ATP11C: variants seen among roughly 807,000 people sequenced by gnomAD.
ATP11C encodes the protein phospholipid-transporting ATPase IG.
ATP11C carries 36 observed loss-of-function variants against 97.4 expected under a neutral mutation model. The ratio of observed to expected loss-of-function variants is 0.37; its 90% CI spans 0.28 to 0.49. ATP11C has a LOEUF of 0.49. ATP11C is among the 20% of genes least tolerant of loss of function. The pLI is 0.98. For missense variants in ATP11C, 730 were observed against 824.6 expected (o/e 0.89, Z 1.40); for synonymous variants, 275 against 290.9 (o/e 0.95, Z 0.56).
chrX:139,739,524 T>C (rs1377500445), intron 27 of ATP11C, among the ~76,000 whole-genome samples: 1 of 111,161 alleles, frequency 9.0e-6, no homozygotes, highest in Non-Finnish European at 1.9e-5. Flanking sequence ...CTGGTTGCTT[T>C]ATAAGTTTAT....
chrX:139,751,451 C>CA (rs1451637106), intron 23 of ATP11C, among the ~76,000 whole-genome samples: 6 of 111,687 alleles, frequency 5.4e-5, no homozygotes, highest in South Asian at 7.4e-4. Context: ...TTAAGAAGTA[C>CA]AAAAAAAAGT....
intron 27 of ATP11C, among the ~76,000 whole-genome samples, chrX:139,738,606 T>C (rs2081493362): frequency 8.9e-6 from 1 of 112,121 alleles, no homozygotes; most frequent in Non-Finnish European, 1.9e-5. Flanking sequence ...ATTAACAGTA[T>C]GTGCCAAATA....
intron 22 of ATP11C, among the ~76,000 whole-genome samples, chrX:139,759,575 C>G (rs1043800777): frequency 9.0e-6 from 1 of 111,324 alleles, no homozygotes; most frequent in African/African-American, 3.3e-5. Context: ...AATGGAGAAA[C>G]AGAAGGCAGG....
chrX:139,800,211 A>T, intron 7 of ATP11C, 101 bp from the exon 8 acceptor site: 1 of 612,046 alleles, frequency 1.6e-6, no homozygotes, highest in Non-Finnish European at 2.6e-6. Context: ...TAAAACAGAG[A>T]TAGATAAAAC....
intron 1 of ATP11C, among the ~76,000 whole-genome samples, chrX:139,850,720 C>T (rs1275613552): frequency 9.0e-6 from 1 of 110,599 alleles, no homozygotes; most frequent in Non-Finnish European, 1.9e-5. Context: ...CAAGACTAGC[C>T]TGGCCAAGAT....
intron 1 of ATP11C, among the ~76,000 whole-genome samples, chrX:139,872,736 G>A (rs1018560386): frequency 3.6e-5 from 4 of 111,749 alleles, no homozygotes; most frequent in African/African-American, 1.3e-4. Context: ...GAGGAAAAGT[G>A]GGGCTTCAGC....
intron 4 of ATP11C, among the ~76,000 whole-genome samples, chrX:139,815,518 C>T (rs959199218): frequency 9.0e-6 from 1 of 111,348 alleles, no homozygotes; most frequent in African/African-American, 3.3e-5. Flanking sequence ...TTGTAGAGAT[C>T]AACAGCTAAA....
At chrX:139,874,209 ATTTTTTT>A (rs140962708) in intron 1 of ATP11C, among the ~76,000 whole-genome samples, 14 of 81,978 alleles carry the variant, frequency 1.7e-4, no homozygotes, top group Admixed American at 1.6e-3. Flanking sequence ...TGCCTGGCTA[ATTTTTTT>A]TTTTTTTTTT....
chrX:139,832,832 A>G (rs2083678281), intron 1 of ATP11C, among the ~76,000 whole-genome samples: 2 of 112,103 alleles, frequency 1.8e-5, no homozygotes, highest in South Asian at 7.4e-4. Context: ...CACTATTTAG[A>G]TATCTCAGAG....
At chrX:139,895,760 C>G (rs1250093224) in intron 1 of ATP11C, among the ~76,000 whole-genome samples, 2 of 111,834 alleles carry the variant, frequency 1.8e-5, no homozygotes, top group Non-Finnish European at 3.8e-5. Flanking sequence ...CATCTAAACA[C>G]AGTGAGATGT....
intron 21 of ATP11C, among the ~76,000 whole-genome samples, chrX:139,762,431 T>C (rs1325037166): frequency 1.8e-5 from 2 of 111,558 alleles, no homozygotes; most frequent in South Asian, 3.8e-4. Flanking sequence ...CTTAATTGTG[T>C]ATGACGCTAG....
chrX:139,866,744 G>A (rs1025448045), intron 1 of ATP11C, among the ~76,000 whole-genome samples: 3 of 110,078 alleles, frequency 2.7e-5, no homozygotes, highest in African/African-American at 9.9e-5. Flanking sequence ...AAAAGACGCC[G>A]GAAGAATCTG....
At chrX:139,874,137 G>C (rs918669497) in intron 1 of ATP11C, among the ~76,000 whole-genome samples, 1 of 107,040 alleles carries the variant, frequency 9.3e-6, no homozygotes, top group Admixed American at 1.0e-4. Context: ...CCGTCTCCCA[G>C]GCTCAAGCAA....
At chrX:139,919,494 A>AC (rs1569492594) in intron 1 of ATP11C, among the ~76,000 whole-genome samples, 3 of 92,375 alleles carry the variant, frequency 3.2e-5, no homozygotes, top group Non-Finnish European at 4.4e-5. Flanking sequence ...CACACACACA[A>AC]ACTACTTATT....
chrX:139,935,852 T>A (rs766493210), upstream of ATP11C, among the ~76,000 whole-genome samples: 88 of 110,922 alleles, frequency 7.9e-4, 1 homozygote, highest in Non-Finnish European at 7.9e-4. Context: ...TAGCTGGGCG[T>A]GGTGGCACGC....
chrX:139,838,373 T>C (rs2083778399), intron 1 of ATP11C, among the ~76,000 whole-genome samples: 1 of 111,224 alleles, frequency 9.0e-6, no homozygotes, highest in African/African-American at 3.3e-5. Context: ...GGGAAGTTCA[T>C]TCATGCATTC....
chrX:139,858,802 C>G lies in ATP11C; in HGVS notation c.28-31979G>C, dbSNP rs772295175. Among the ~76,000 whole-genome samples the G allele has an allele frequency of 3.6e-3, 400 of 111,898 alleles. 1 individual carries two copies. The highest frequency in any genetic ancestry group is 0.012 in the African/African-American group (377 of 30,812). On this transcript the variant is annotated intron_variant, in intron 1 of 29. Transcript: ENST00000682941. The stretch of plus-strand genomic sequence containing the variant: ...AGCTGATTCATAGTGATATGAGTAC[C>G]CTTTTCATAAAACAGCTTTATTAAT...
chrX:139,814,824 C>A, intron 5 of ATP11C, 54 bp downstream of exon 5: 2 of 709,407 alleles, frequency 2.8e-6, no homozygotes, highest in Non-Finnish European at 2.1e-6. Flanking sequence ...AAATTATACA[C>A]TTTAAAATGG....
At chrX:139,811,651 T>A (rs1332319100) in intron 5 of ATP11C, among the ~76,000 whole-genome samples, 1 of 110,165 alleles carries the variant, frequency 9.1e-6, no homozygotes. Flanking sequence ...CCTGAATATA[T>A]CCATTTCCCT....
Sources: gnomAD v4.1 joint callset for allele counts (sites outside exome capture counted in the v4.1 genomes callset) on GRCh38, gnomAD v4.1.1 for gene constraint, MANE v1.5 for transcripts, NCBI Gene and HGNC (gene_info 2026-07-23, HGNC 2026-07-21) for gene names.